Variants in CAMK2D observed in about 807,000 individuals in gnomAD.
CAMK2D encodes the protein calcium/calmodulin-dependent protein kinase type II subunit delta.
A neutral mutation model predicts 84.0 loss-of-function variants in CAMK2D; 37 were observed. That is an observed-to-expected ratio of 0.44 (90% confidence interval 0.34 to 0.58). The LOEUF (loss-of-function observed/expected upper bound fraction) is 0.58. Among genes scored for constraint, CAMK2D ranks in the 20% least tolerant of loss-of-function variants. CAMK2D has a pLI of 0.02. For synonymous variants in CAMK2D, 202 were observed against 212.5 expected, an observed-to-expected ratio of 0.95 and a Z score of 0.43; for missense variants, 448 against 652.5, an observed-to-expected ratio of 0.69 and a Z score of 3.41.
intron 4 of CAMK2D, among the ~76,000 whole-genome samples, chr4:113,608,855 A>AGTAG (rs2098988092): frequency 6.6e-6 from 1 of 152,218 alleles, no homozygotes; most frequent in Admixed American, 6.5e-5. Flanking sequence ...CTTATGTCAA[A>AGTAG]CATTTTTGTG....
chr4:113,538,900 C>T (rs549858933), intron 6 of CAMK2D, among the ~76,000 whole-genome samples: 4 of 152,164 alleles, frequency 2.6e-5, no homozygotes, highest in South Asian at 4.1e-4. Context: ...TTATGACGAC[C>T]GGTAAATGTG....
intron 12 of CAMK2D, among the ~76,000 whole-genome samples, chr4:113,509,918 C>T (rs1455134661): frequency 6.6e-6 from 1 of 152,188 alleles, no homozygotes; most frequent in Non-Finnish European, 1.5e-5. Flanking sequence ...CAATTGAATA[C>T]TTTGCCAGTT....
Position 113,572,616 on chromosome 4 carries a change from A to T in CAMK2D, c.276-20520T>A, listed in dbSNP as rs573120213. On this transcript the variant is annotated intron_variant, in intron 4 of 20. Coordinates refer to ENST00000511664, the MANE Select transcript of CAMK2D (RefSeq NM_001321571.2). The stretch of plus-strand genomic sequence containing the variant: ...CACACCAGTCAGAATGGCTATTATT[A>T]AAAAGTCAAAAAATAACAGATGCTG... Among the ~76,000 whole-genome samples the T allele has an allele frequency of 9.2e-5, 14 of 152,318 alleles. No homozygotes were observed. In the South Asian group the frequency reaches 2.9e-3, roughly 32 times the overall value.
chr4:113,719,416 A>G (rs1439444518), intron 2 of CAMK2D, among the ~76,000 whole-genome samples: 4 of 152,176 alleles, frequency 2.6e-5, no homozygotes, highest in Non-Finnish European at 5.9e-5. Flanking sequence ...TGCTCAAGCT[A>G]TCTTATAAAA....
intron 16 of CAMK2D, among the ~76,000 whole-genome samples, chr4:113,496,940 T>C (rs1301656244): frequency 1.3e-5 from 2 of 152,198 alleles, no homozygotes; most frequent in Admixed American, 1.3e-4. Context: ...TGGAAGCTTT[T>C]TAAAAAGAAG....
intron 2 of CAMK2D, among the ~76,000 whole-genome samples, chr4:113,674,324 T>C (rs2099309059): frequency 6.6e-6 from 1 of 152,186 alleles, no homozygotes; most frequent in Non-Finnish European, 1.5e-5. Context: ...TTAATCATCA[T>C]TCTAGATGTC....
chr4:113,629,302 C>T (rs922401417), intron 3 of CAMK2D, among the ~76,000 whole-genome samples: 2 of 151,972 alleles, frequency 1.3e-5, no homozygotes, highest in Admixed American at 6.6e-5. Flanking sequence ...TTCTGAGCAA[C>T]CATTTTTGCC....
At chr4:113,760,932 G>T (rs1253195946) in intron 1 of CAMK2D, 72 bp downstream of exon 1, 57 of 1,588,934 alleles carry the variant, frequency 3.6e-5, no homozygotes, top group Non-Finnish European at 4.7e-5. Flanking sequence ...GACGGAGGCC[G>T]GTGGGTCGGG....
At chr4:113,499,246 G>T (rs558618622) in intron 16 of CAMK2D, among the ~76,000 whole-genome samples, 11 of 152,154 alleles carry the variant, frequency 7.2e-5, no homozygotes, top group Non-Finnish European at 1.6e-4. Context: ...AGTGCAAAGA[G>T]TGAGATGAAT....
At chr4:113,751,719 G>A (rs1315166021) in intron 2 of CAMK2D, among the ~76,000 whole-genome samples, 2 of 152,028 alleles carry the variant, frequency 1.3e-5, no homozygotes, top group Non-Finnish European at 2.9e-5. Context: ...GCAGTGAGCC[G>A]AGATAGCACC....
At chr4:113,691,636 T>A (rs903839572) in intron 2 of CAMK2D, among the ~76,000 whole-genome samples, 19 of 151,862 alleles carry the variant, frequency 1.3e-4, no homozygotes, top group Non-Finnish European at 2.4e-4. Flanking sequence ...GCCTGTAATC[T>A]CAGCTACTCG....
At chr4:113,464,702 T>G (rs2097435331) in intron 17 of CAMK2D, among the ~76,000 whole-genome samples, 1 of 152,198 alleles carries the variant, frequency 6.6e-6, no homozygotes, top group Non-Finnish European at 1.5e-5. Flanking sequence ...AAGTAAAGTT[T>G]TCCTTAAGAT....
chr4:113,590,771 A>G (rs5008890), intron 4 of CAMK2D, among the ~76,000 whole-genome samples: 6,116 of 152,226 alleles, frequency 0.04, 359 homozygotes, highest in East Asian at 0.19. Flanking sequence ...CTTACTTAAA[A>G]TAACTGGGAC....
At chr4:113,548,775 C>T in intron 5 of CAMK2D, 1 of 847,306 alleles carries the variant, frequency 1.2e-6, no homozygotes, top group Non-Finnish European at 2.0e-6. Context: ...ATTTTAAAGG[C>T]ACATAATCAC....
intron 2 of CAMK2D, among the ~76,000 whole-genome samples, chr4:113,728,719 G>C (rs2099553386): frequency 6.6e-6 from 1 of 151,890 alleles, no homozygotes; most frequent in Non-Finnish European, 1.5e-5. Context: ...TGTTACCCTG[G>C]GAAGTTCCTT....
At chr4:113,549,841 TG>T (rs1290903859) in intron 5 of CAMK2D, among the ~76,000 whole-genome samples, 1 of 152,222 alleles carries the variant, frequency 6.6e-6, no homozygotes, top group East Asian at 1.9e-4. Context: ...AAATTGATCA[TG>T]ACTATGATTT....
intron 4 of CAMK2D, among the ~76,000 whole-genome samples, chr4:113,583,593 T>C (rs1294677729): frequency 1.3e-5 from 2 of 152,138 alleles, no homozygotes; most frequent in South Asian, 2.1e-4. Flanking sequence ...AGAAACAACA[T>C]ATCTCTAGTA....
chr4:113,567,933 A>T (rs1252922100), intron 4 of CAMK2D, among the ~76,000 whole-genome samples: 3 of 152,204 alleles, frequency 2.0e-5, no homozygotes, highest in Non-Finnish European at 4.4e-5. Flanking sequence ...ACATAACTAG[A>T]CATCATTTTA....
chr4:113,544,214 C>T (rs898712302), intron 6 of CAMK2D, among the ~76,000 whole-genome samples: 12 of 152,104 alleles, frequency 7.9e-5, no homozygotes, highest in African/African-American at 2.7e-4. Flanking sequence ...TGTACTGCCC[C>T]CTACTCTACA....
Sources: gnomAD v4.1 joint callset for allele counts (sites outside exome capture counted in the v4.1 genomes callset) on GRCh38, gnomAD v4.1.1 for gene constraint, MANE v1.5 for transcripts, NCBI Gene and HGNC (gene_info 2026-07-23, HGNC 2026-07-21) for gene names.